The following PYROXD1 variants were observed in gnomAD, a reference collection of about 807,000 sequenced individuals.
PYROXD1 encodes the protein pyridine nucleotide-disulphide oxidoreductase domain 1, also known as tRNA ligase complex-associated NAD(P)H dehydrogenase PYROXD1.
PYROXD1 carries 42 observed loss-of-function variants against 62.0 expected under a neutral mutation model. The observed-to-expected ratio is 0.68, with a 90% CI of 0.53 to 0.88. PYROXD1 has a LOEUF of 0.88. Ranked by LOEUF, PYROXD1 falls within the 40% of genes least tolerant of loss-of-function variation. The probability of loss-of-function intolerance (pLI) is 0.00; values close to 1 mark genes in which losing one functional copy is unlikely to be tolerated. For missense variants in PYROXD1, 493 were observed against 604.8 expected (o/e 0.82, Z 1.94); for synonymous variants, 170 against 206.4 (o/e 0.82, Z 1.51).
intron 7 of PYROXD1, 112 bp downstream of exon 7, chr12:21,456,207 T>A: frequency 6.0e-6 from 4 of 664,210 alleles, no homozygotes; most frequent in Middle Eastern, 5.1e-4. Flanking sequence ...GTCACTTTAC[T>A]TAAAATCCAT....
At chr12:21,465,754 T>G (rs1018408735) in intron 10 of PYROXD1, among the ~76,000 whole-genome samples, 3 of 152,134 alleles carry the variant, frequency 2.0e-5, no homozygotes, top group Non-Finnish European at 4.4e-5. Context: ...GCCTATGTCC[T>G]GAATGGTATT....
At chr12:21,450,910 A>C (rs189266529) in intron 4 of PYROXD1, among the ~76,000 whole-genome samples, 93 of 152,328 alleles carry the variant, frequency 6.1e-4, no homozygotes, top group Non-Finnish European at 1.1e-3. Flanking sequence ...ACTGAGGTCA[A>C]GAGATTAAGT....
chr12:21,437,725 G>C lies in PYROXD1; in HGVS notation c.-6G>C, dbSNP rs377439158. ...ATATTCAGTAAACCACTGGGAGTCC[G>C]GCAGCATGGAGGCAGCGCGCCCTCC... On this transcript the variant is annotated 5_prime_UTR_variant, in exon 1 of 12. Coordinates refer to ENST00000240651, the MANE Select transcript of PYROXD1 (RefSeq NM_024854.5). 1 of 1,610,918 alleles carries C rather than the reference G, an allele frequency of 6.2e-7. No homozygotes were observed. The highest frequency in any genetic ancestry group is 8.5e-7 in the Non-Finnish European group (1 of 1,178,998).
chr12:21,439,641 T>G (rs1466139527), intron 1 of PYROXD1, among the ~76,000 whole-genome samples: 2 of 152,032 alleles, frequency 1.3e-5, no homozygotes, highest in Admixed American at 6.6e-5. Context: ...ATTTTAAGGA[T>G]TCATAGATCC....
chr12:21,458,468 C>G (rs750119809), intron 7 of PYROXD1, among the ~76,000 whole-genome samples: 2 of 152,240 alleles, frequency 1.3e-5, no homozygotes, highest in African/African-American at 2.4e-5. Flanking sequence ...TTTAGATTTA[C>G]TTCAAGAATG....
intron 2 of PYROXD1, among the ~76,000 whole-genome samples, chr12:21,444,580 G>A (rs714357): frequency 0.49 from 74,890 of 151,954 alleles, 18,510 homozygotes; most frequent in Middle Eastern, 0.59. Context: ...TGCATCAAGT[G>A]GCCTTCTAAA....
Position 21,470,532 on chromosome 12 carries a change from A to G in PYROXD1, c.*1778A>G, listed in dbSNP as rs1336171153. 2.1e-6 allele frequency: 2 copies of G among 969,358 alleles called. No individual in the cohort carries two copies. Among genetic ancestry groups the G allele is most frequent in the Non-Finnish European group, 2.8e-6 (2 of 708,992 alleles). The allele number at this position is 969,358 out of a possible 1,614,324, so 60.0% of individuals were successfully genotyped here. On this transcript the variant is annotated 3_prime_UTR_variant, in exon 12 of 12. Coordinates refer to ENST00000240651, the MANE Select transcript of PYROXD1 (RefSeq NM_024854.5). ...AGCTCTATTTTGAATAAAAGGGGCT[A>G]CGTTGTGAGAGAAGTTCTAAAGACC... is the stretch of plus-strand genomic sequence containing the variant.
chr12:21,444,771 G>T (rs1242020437), intron 2 of PYROXD1, among the ~76,000 whole-genome samples: 1 of 152,150 alleles, frequency 6.6e-6, no homozygotes, highest in Non-Finnish European at 1.5e-5. Context: ...AGGCTGTGTG[G>T]TCTTTCTGCA....
intron 2 of PYROXD1, among the ~76,000 whole-genome samples, chr12:21,442,624 A>T (rs935014339): frequency 3.3e-5 from 5 of 152,150 alleles, no homozygotes; most frequent in Admixed American, 1.3e-4. Flanking sequence ...GGGTTGGAAC[A>T]CTCACAGGGT....
chr12:21,440,509 C>A, intron 2 of PYROXD1, 61 bp downstream of exon 2: 1 of 878,056 alleles, frequency 1.1e-6, no homozygotes. Context: ...ACTTGCATAG[C>A]AGTTAGGGTA....
rs767887207 is a variant in PYROXD1 at position 21,437,801 on chromosome 12, CT to C, written c.73del (p.Cys25ValfsTer17). On this transcript the variant is annotated frameshift_variant, in exon 1 of 12. Transcript: ENST00000240651. LOFTEE classifies it high-confidence loss of function. The part of the protein sequence containing the change: ...VVVGGGIAGV[T>X]CAEQLATHFP... ...GTCGGCGGCGGCATCGCGGGCGTCA[CT>C]TGTGCGGAGCAGGTAGGGCGGTGCT... is the stretch of plus-strand genomic sequence containing the variant. The C allele has an allele frequency of 5.0e-6, 8 of 1,612,574 alleles. No individual in the cohort carries two copies. In the South Asian group the frequency reaches 8.8e-5, roughly 18 times the overall value.
At chr12:21,466,645 G>C (rs1263145235) in intron 10 of PYROXD1, among the ~76,000 whole-genome samples, 1 of 152,048 alleles carries the variant, frequency 6.6e-6, no homozygotes. Flanking sequence ...CTAATTGAAT[G>C]CCCTTTATTC....
intron 8 of PYROXD1, 45 bp from the exon 9 acceptor site, chr12:21,461,963 C>A: frequency 8.6e-7 from 1 of 1,167,112 alleles, no homozygotes; most frequent in Non-Finnish European, 1.3e-6. Flanking sequence ...GGTGATGGTT[C>A]CATTTACAAA....
intron 7 of PYROXD1, among the ~76,000 whole-genome samples, chr12:21,456,491 A>G (rs1471826575): frequency 1.3e-5 from 2 of 152,228 alleles, no homozygotes; most frequent in Non-Finnish European, 1.5e-5. Context: ...TTAAATGTGC[A>G]TTAGCATTGT....
chr12:21,451,087 A>G (rs555585294), intron 4 of PYROXD1, among the ~76,000 whole-genome samples: 4 of 152,318 alleles, frequency 2.6e-5, no homozygotes, highest in African/African-American at 7.2e-5. Flanking sequence ...AGAATTTTAA[A>G]GATGTCAGCT....
At chr12:21,457,297 A>C (rs1591950457) in intron 7 of PYROXD1, among the ~76,000 whole-genome samples, 1 of 152,156 alleles carries the variant, frequency 6.6e-6, no homozygotes, top group Admixed American at 6.5e-5. Flanking sequence ...AGTAAGAATT[A>C]CTCCTGGATC....
intron 7 of PYROXD1, among the ~76,000 whole-genome samples, chr12:21,458,803 C>A (rs544096570): frequency 6.6e-6 from 1 of 152,062 alleles, no homozygotes; most frequent in Non-Finnish European, 1.5e-5. Context: ...CACCCCAAGA[C>A]AATTACAGTA....
intron 3 of PYROXD1, among the ~76,000 whole-genome samples, chr12:21,446,677 C>G (rs1389911207): frequency 2.0e-5 from 3 of 151,996 alleles, no homozygotes; most frequent in Admixed American, 6.6e-5. Context: ...TTTGTGAGGC[C>G]AAGGCAGACG....
intron 4 of PYROXD1, among the ~76,000 whole-genome samples, chr12:21,451,810 A>G (rs1177906825): frequency 6.6e-6 from 1 of 152,172 alleles, no homozygotes; most frequent in African/African-American, 2.4e-5. Flanking sequence ...TCCTGCCGAA[A>G]TTCTGAAGTA....
Sources: gnomAD v4.1 joint callset for allele counts (sites outside exome capture counted in the v4.1 genomes callset) on GRCh38, gnomAD v4.1.1 for gene constraint, MANE v1.5 for transcripts, NCBI Gene and HGNC (gene_info 2026-07-23, HGNC 2026-07-21) for gene names.